Variants in GRAMD2A observed in about 807,000 individuals in gnomAD.
GRAMD2A encodes GRAM domain-containing protein 2A.
A neutral mutation model predicts 51.1 loss-of-function variants in GRAMD2A; 37 were observed. That is an observed-to-expected ratio of 0.72 (90% CI 0.56 to 0.95). The LOEUF (loss-of-function observed/expected upper bound fraction) is 0.95, where lower values mean the gene tolerates loss of function less well. Among genes scored for constraint, GRAMD2A ranks in the 40% least tolerant of loss-of-function variants. The pLI, the probability that GRAMD2A is intolerant of heterozygous loss-of-function variation, is 0.00. For missense variants in GRAMD2A, 414 were observed against 426.9 expected (o/e 0.97, Z 0.27); for synonymous variants, 136 against 157.1 (o/e 0.87, Z 1.01).
chr15:72,170,728 G>T lies in GRAMD2A; in HGVS notation c.42-789C>A, dbSNP rs1003122991. ...CAATAAAGCCTGAGCCGTCAAGCCA[G>T]CCCCAACCAAGTGGGCCCAGGGGCT... is the stretch of plus-strand genomic sequence containing the variant. On this transcript the variant is annotated intron_variant, in intron 1 of 11. Coordinates refer to ENST00000309731, the MANE Select transcript of GRAMD2A (RefSeq NM_001012642.3). This position sits in a 1 kb window ranked among gnomAD's most constrained non-coding sequence, Gnocchi z 4.5. Among the ~76,000 whole-genome samples the T allele has an allele frequency of 5.9e-5, 9 of 152,102 alleles. No individual in the cohort carries two copies. The highest frequency in any genetic ancestry group is 2.2e-4 in the African/African-American group (9 of 41,420).
intron 8 of GRAMD2A, 64 bp downstream of exon 8, chr15:72,165,290 C>T (rs767292425): frequency 5.6e-5 from 83 of 1,494,968 alleles, no homozygotes; most frequent in Non-Finnish European, 7.5e-5. Flanking sequence ...CTAGGAGGCC[C>T]AGAAGCCTCA....
At chr15:72,163,213 A>C in intron 10 of GRAMD2A, 53 bp downstream of exon 10, 1 of 1,268,382 alleles carries the variant, frequency 7.9e-7, no homozygotes, top group Non-Finnish European at 1.1e-6. Context: ...CCCTTGTTCC[A>C]AGCACCTAGA....
chr15:72,168,589 TGAGAA>T (rs1249141167), intron 3 of GRAMD2A, 23 bp from the exon 4 acceptor site: 1 of 1,603,704 alleles, frequency 6.2e-7, no homozygotes, highest in South Asian at 1.1e-5. Context: ...AGGCTGCGTC[TGAGAA>T]GCGCTGGGAG....
At chr15:72,197,695 A>G in intron 1 of GRAMD2A, 36 bp downstream of exon 1, 2 of 1,276,744 alleles carry the variant, frequency 1.6e-6, no homozygotes, top group South Asian at 2.3e-5. Context: ...GGCCTCCGGA[A>G]CCCCCGAGAC....
chr15:72,170,023 C>T lies in GRAMD2A; in HGVS notation c.42-84G>A. On this transcript the variant is annotated intron_variant, in intron 1 of 11. Coordinates refer to ENST00000309731, the MANE Select transcript of GRAMD2A (RefSeq NM_001012642.3). This position sits in a 1 kb window ranked among gnomAD's most constrained non-coding sequence, Gnocchi z 4.5. Reference sequence around the variant, plus strand: ...AGCCCCACCATGCCCATGGCCGCTGCCTCTGGCCCCCACCCAAGACTGGCC... The same window carrying T: ...AGCCCCACCATGCCCATGGCCGCTGTCTCTGGCCCCCACCCAAGACTGGCC... 1 of 947,322 alleles carries T rather than the reference C, an allele frequency of 1.1e-6. No homozygotes were observed. The highest frequency in any genetic ancestry group is 1.7e-6 in the Non-Finnish European group (1 of 572,714). 58.7% of individuals were successfully genotyped at this position (947,322 alleles called of 1,614,324 possible). A position where few individuals can be genotyped will look rare whatever the true frequency, so the allele number is the denominator to read the frequency against.
chr15:72,180,344 A>T (rs2081687434), intron 1 of GRAMD2A, among the ~76,000 whole-genome samples: 1 of 152,320 alleles, frequency 6.6e-6, no homozygotes, highest in East Asian at 1.9e-4. Context: ...TTGGCAGGCC[A>T]CTTGGGGCTT....
intron 1 of GRAMD2A, among the ~76,000 whole-genome samples, chr15:72,172,804 C>T (rs2081623526): frequency 1.3e-5 from 2 of 152,216 alleles, no homozygotes; most frequent in Middle Eastern, 3.4e-3. Flanking sequence ...TGTCGTTTCT[C>T]TTTTGTCTGT....
At chr15:72,186,110 G>A (rs2081732628) in intron 1 of GRAMD2A, among the ~76,000 whole-genome samples, 1 of 152,016 alleles carries the variant, frequency 6.6e-6, no homozygotes, top group African/African-American at 2.4e-5. Context: ...TAATAGAAAA[G>A]TGAGCAAAGA....
chr15:72,189,008 T>G (rs944765099), intron 1 of GRAMD2A, among the ~76,000 whole-genome samples: 2 of 152,282 alleles, frequency 1.3e-5, no homozygotes, highest in Admixed American at 1.3e-4. Flanking sequence ...GGTTTTGATC[T>G]TAAAAGTATT....
intron 1 of GRAMD2A, among the ~76,000 whole-genome samples, chr15:72,184,346 G>A (rs555112969): frequency 6.6e-6 from 1 of 152,360 alleles, no homozygotes; most frequent in African/African-American, 2.4e-5. Context: ...CGGCGCCCGC[G>A]GCGGCACTGA....
intron 1 of GRAMD2A, 43 bp from the exon 2 acceptor site, chr15:72,169,982 GAC>G: frequency 6.9e-7 from 1 of 1,448,482 alleles, no homozygotes; most frequent in South Asian, 1.1e-5. Context: ...GCTTCATGAG[GAC>G]ACCTTTCCCT....
intron 1 of GRAMD2A, among the ~76,000 whole-genome samples, chr15:72,195,107 C>T (rs180950849): frequency 7.5e-4 from 114 of 152,324 alleles, no homozygotes; most frequent in Middle Eastern, 3.4e-3. Context: ...AAAGATAAGG[C>T]ACAGGCCCAC....
intron 2 of GRAMD2A, 177 bp from the exon 3 acceptor site, chr15:72,169,173 C>G: frequency 1.6e-6 from 1 of 632,448 alleles, no homozygotes; most frequent in East Asian, 2.8e-5. Flanking sequence ...CTAAACTATA[C>G]AGCTCATCCC....
At chr15:72,187,618 A>G (rs1283560829) in intron 1 of GRAMD2A, among the ~76,000 whole-genome samples, 3 of 152,030 alleles carry the variant, frequency 2.0e-5, no homozygotes, top group African/African-American at 7.2e-5. Flanking sequence ...GGCTCAAGCA[A>G]TTCTCCCACT....
chr15:72,168,596 C>T (rs777262441), intron 3 of GRAMD2A, 30 bp from the exon 4 acceptor site: 8 of 1,595,380 alleles, frequency 5.0e-6, no homozygotes, highest in African/African-American at 1.3e-5. Context: ...GTCTGAGAAG[C>T]GCTGGGAGAT....
intron 1 of GRAMD2A, among the ~76,000 whole-genome samples, chr15:72,195,151 A>C (rs2081795599): frequency 6.6e-6 from 1 of 152,226 alleles, no homozygotes; most frequent in African/African-American, 2.4e-5. Flanking sequence ...ATACTGTAGC[A>C]TGAGTGTAGA....
intron 1 of GRAMD2A, 67 bp downstream of exon 1, chr15:72,197,664 G>A: frequency 8.2e-7 from 1 of 1,215,292 alleles, no homozygotes; most frequent in East Asian, 3.5e-5. Context: ...CCTGCCCCGC[G>A]CGGCAGCAGC....
chr15:72,162,308 G>A lies in GRAMD2A; in HGVS notation c.1026C>T (p.Cys342=), dbSNP rs1437052084. 1.2e-6 allele frequency: 2 copies of A among 1,614,000 alleles called. No homozygotes were observed. The highest frequency in any genetic ancestry group is 2.2e-5 in the South Asian group (2 of 91,072). The change falls in exon 11 of 12, where the codon TGC becomes TGT. Residue 342 remains cysteine, a synonymous_variant. Coordinates refer to ENST00000309731, the MANE Select transcript of GRAMD2A (RefSeq NM_001012642.3). ...GGACTGGGTCATCCCAACTCAAGGA[G>A]CATAACTGCTGCTCTAGCCGAGAAA... ...FRISRLEQQL[C]SLSWDDPVPG...
Position 72,166,851 on chromosome 15 carries a change from G to T in GRAMD2A, c.471+143C>A. The T allele has an allele frequency of 1.1e-6, 1 of 936,314 alleles. No individual in the cohort carries two copies. Among genetic ancestry groups the T allele is most frequent in the Non-Finnish European group, 1.7e-6 (1 of 585,226 alleles). 58.0% of individuals were successfully genotyped at this position (936,314 alleles called of 1,614,324 possible). On this transcript the variant is annotated intron_variant, in intron 6 of 11. Transcript: ENST00000309731. This position sits in a 1 kb window ranked among gnomAD's most constrained non-coding sequence, Gnocchi z 4.1. The stretch of plus-strand genomic sequence containing the variant: ...GCTCTGCCTAGGAACTTCTCTTCCA[G>T]CTTGTTGTACGGCCTGAAATACCTA...
Sources: allele counts gnomAD v4.1 joint callset (sites outside exome capture counted in the v4.1 genomes callset), GRCh38; gene constraint gnomAD v4.1.1; non-coding constraint Gnocchi (gnomAD v3.1); transcripts MANE v1.5; gene names NCBI Gene and HGNC (gene_info 2026-07-23, HGNC 2026-07-21).